Variants in ZFAND3 observed in about 807,000 individuals in gnomAD.
ZFAND3 encodes the protein zinc finger AN1-type containing 3, also known as AN1-type zinc finger protein 3.
A neutral mutation model predicts 29.6 loss-of-function variants in ZFAND3; 10 were observed. That is an observed-to-expected ratio of 0.34 (90% confidence interval 0.21 to 0.57). The LOEUF (loss-of-function observed/expected upper bound fraction) is 0.57. Ranked by LOEUF, ZFAND3 falls within the 20% of genes least tolerant of loss-of-function variation. ZFAND3 has a pLI of 0.86. For synonymous variants in ZFAND3, 128 were observed against 112.6 expected (o/e 1.14, Z -0.87); for missense variants, 230 against 304.5 (o/e 0.76, Z 1.82).
rs568288184 is a variant in ZFAND3 at position 37,893,191 on chromosome 6, A to G, written c.72-36768A>G. Reference sequence around the variant, plus strand: ...TATGAATATGTATGCCAAAATCCTTAACAAAATGCTAGTAAACCAAATCAG... The same window carrying G: ...TATGAATATGTATGCCAAAATCCTTGACAAAATGCTAGTAAACCAAATCAG... On this transcript the variant is annotated intron_variant, in intron 1 of 5. Transcript: ENST00000287218. Among the ~76,000 whole-genome samples the G allele has an allele frequency of 3.9e-5, 6 of 152,364 alleles. No individual in the cohort carries two copies. The East Asian group carries it at 1.2e-3, about 29-fold the overall frequency.
chr6:37,923,322 A>G (rs921756251), intron 1 of ZFAND3, among the ~76,000 whole-genome samples: 3 of 152,208 alleles, frequency 2.0e-5, no homozygotes, highest in African/African-American at 7.2e-5. Flanking sequence ...ACAGACATGC[A>G]CACAATTATC....
intron 1 of ZFAND3, 42 bp from the exon 2 acceptor site, chr6:37,929,917 T>A (rs1445058533): frequency 6.4e-7 from 1 of 1,564,470 alleles, no homozygotes; most frequent in East Asian, 2.3e-5. Context: ...TGATATGGAG[T>A]TTTTAGCTCT....
At chr6:38,018,820 TG>T in intron 2 of ZFAND3, among the ~76,000 whole-genome samples, 1 of 152,330 alleles carries the variant, frequency 6.6e-6, no homozygotes, top group East Asian at 1.9e-4. Flanking sequence ...GTAGAATTGA[TG>T]GGTCAAAGTG....
At chr6:38,001,327 C>G (rs1447795213) in intron 2 of ZFAND3, among the ~76,000 whole-genome samples, 4 of 152,182 alleles carry the variant, frequency 2.6e-5, no homozygotes, top group Non-Finnish European at 4.4e-5. Flanking sequence ...TCCATTACTA[C>G]TAGTGTTTGA....
rs146041021 is a variant in ZFAND3 at position 37,952,933 on chromosome 6, G to C, written c.112+22934G>C. Reference sequence around the variant, plus strand: ...GTCTCGGTGGGAAATATTCTTCCTGGCTATGTCTAGTTGCCCATCTTGGCT... The same window carrying C: ...GTCTCGGTGGGAAATATTCTTCCTGCCTATGTCTAGTTGCCCATCTTGGCT... On this transcript the variant is annotated intron_variant, in intron 2 of 5. Transcript: ENST00000287218. 2.0e-3 allele frequency among the ~76,000 whole-genome samples: 303 copies of C among 149,140 alleles called. 4 individuals are homozygous for C. The highest frequency in any genetic ancestry group is 7.2e-3 in the African/African-American group (291 of 40,380).
At position 37,871,823 on chromosome 6, in the gene ZFAND3, TG is replaced by T. The variant is rs746130534; in HGVS notation, c.71+51809del. Among the ~76,000 whole-genome samples the T allele has an allele frequency of 4.0e-4, 61 of 152,226 alleles. 1 individual carries two copies. The highest frequency in any genetic ancestry group is 2.1e-4 in the South Asian group (1 of 4,838). On this transcript the variant is annotated intron_variant, in intron 1 of 5. Transcript: ENST00000287218. ...TGTGGACAATTTATTATAGAAATAC[TG>T]GTTTCTGTTGTATACCTCCAAATAA...
chr6:38,020,958 TA>T (rs1468766510), intron 2 of ZFAND3, among the ~76,000 whole-genome samples: 2 of 152,232 alleles, frequency 1.3e-5, no homozygotes, highest in Non-Finnish European at 2.9e-5. Flanking sequence ...TCACAGAAGA[TA>T]AATTCTGTCA....
At chr6:37,861,725 G>C (rs527470318) in intron 1 of ZFAND3, among the ~76,000 whole-genome samples, 9 of 152,310 alleles carry the variant, frequency 5.9e-5, no homozygotes, top group African/African-American at 2.2e-4. Flanking sequence ...TTCAGAGAGA[G>C]TTGGTTAGTA....
intron 1 of ZFAND3, among the ~76,000 whole-genome samples, chr6:37,901,394 CACTTGAACTGA>C (rs1412794588): frequency 2.0e-5 from 3 of 152,180 alleles, no homozygotes; most frequent in Non-Finnish European, 4.4e-5. Context: ...GTAATCCCGA[CACTTGAACTGA>C]AGTTCGAGAC....
chr6:37,851,282 C>T (rs1489186108), intron 1 of ZFAND3, among the ~76,000 whole-genome samples: 3 of 152,000 alleles, frequency 2.0e-5, no homozygotes, highest in African/African-American at 7.3e-5. Flanking sequence ...TCACCACGCC[C>T]AGCCATTGAT....
chr6:37,929,860 A>T, intron 1 of ZFAND3, 99 bp from the exon 2 acceptor site: 1 of 1,207,078 alleles, frequency 8.3e-7, no homozygotes, highest in Non-Finnish European at 1.1e-6. Context: ...TTGCCTGACC[A>T]GAAAGTTCTT....
intron 4 of ZFAND3, among the ~76,000 whole-genome samples, chr6:38,106,798 T>C (rs1395136812): frequency 6.6e-6 from 1 of 152,236 alleles, no homozygotes; most frequent in African/African-American, 2.4e-5. Flanking sequence ...CAAAGCCCAA[T>C]GTCTGTTGCA....
intron 2 of ZFAND3, among the ~76,000 whole-genome samples, chr6:38,021,335 G>A (rs1763345473): frequency 6.6e-6 from 1 of 152,214 alleles, no homozygotes; most frequent in Admixed American, 6.5e-5. Context: ...AAAGGTGCAG[G>A]TGAGAGAAGA....
chr6:37,952,979 C>T (rs921042546), intron 2 of ZFAND3, among the ~76,000 whole-genome samples: 4 of 151,262 alleles, frequency 2.6e-5, no homozygotes, highest in South Asian at 2.1e-4. Context: ...TTATTTTTTC[C>T]GTAGTTTTTT....
chr6:38,125,231 T>C (rs1765613027), intron 5 of ZFAND3, among the ~76,000 whole-genome samples: 1 of 152,262 alleles, frequency 6.6e-6, no homozygotes, highest in Admixed American at 6.5e-5. Flanking sequence ...TAATCTTTGA[T>C]GTGTAAGTGT....
intron 1 of ZFAND3, among the ~76,000 whole-genome samples, chr6:37,846,082 G>T (rs1439553046): frequency 6.6e-6 from 1 of 152,142 alleles, no homozygotes; most frequent in Non-Finnish European, 1.5e-5. Flanking sequence ...GATCCCATAG[G>T]ACACTCATGT....
chr6:38,039,715 C>T (rs1196566039), intron 2 of ZFAND3, among the ~76,000 whole-genome samples: 1 of 152,088 alleles, frequency 6.6e-6, no homozygotes, highest in African/African-American at 2.4e-5. Flanking sequence ...ATTCCAGAGT[C>T]ATGATATTGG....
chr6:38,142,465 CA>C, intron 5 of ZFAND3: 1 of 412,346 alleles, frequency 2.4e-6, no homozygotes, highest in Non-Finnish European at 4.9e-6. Flanking sequence ...GTGTCTTCAG[CA>C]GCTCCTGGAT....
chr6:38,094,379 A>G (rs1009834478), intron 4 of ZFAND3, among the ~76,000 whole-genome samples: 2 of 152,098 alleles, frequency 1.3e-5, no homozygotes, highest in Non-Finnish European at 2.9e-5. Context: ...GTTTTTTAAT[A>G]AGATTTCATT....
Sources: allele counts gnomAD v4.1 joint callset (sites outside exome capture counted in the v4.1 genomes callset), GRCh38; gene constraint gnomAD v4.1.1; transcripts MANE v1.5; gene names NCBI Gene and HGNC (gene_info 2026-07-23, HGNC 2026-07-21).